DOK6: variants seen among roughly 807,000 people sequenced by gnomAD.
DOK6 encodes the protein docking protein 6.
A neutral mutation model predicts 44.0 loss-of-function variants in DOK6; 22 were observed. The observed-to-expected ratio is 0.50, with a 90% CI of 0.36 to 0.71. The LOEUF (loss-of-function observed/expected upper bound fraction) is 0.71, where lower values mean the gene tolerates loss of function less well. Among genes scored for constraint, DOK6 ranks in the 30% least tolerant of loss-of-function variants. DOK6 has a pLI of 0.00. For missense variants in DOK6, 340 were observed against 416.4 expected, an observed-to-expected ratio of 0.82 and a Z score of 1.60; for synonymous variants, 166 against 145.5, an observed-to-expected ratio of 1.14 and a Z score of -1.01.
intron 7 of DOK6, among the ~76,000 whole-genome samples, chr18:69,800,312 T>A (rs571621884): frequency 6.6e-6 from 1 of 152,160 alleles, no homozygotes; most frequent in Admixed American, 6.6e-5. Flanking sequence ...CCCCATTATA[T>A]TTTCAAATTG....
In DOK6 at chr18:69,599,375, T is replaced by C. The variant is rs767374149; in HGVS notation, c.175-9T>C. The C allele has an allele frequency of 1.9e-6, 3 of 1,600,858 alleles. No homozygotes were observed. In the South Asian group the frequency reaches 3.3e-5, roughly 18 times the overall value. On this transcript the variant is annotated splice_polypyrimidine_tract_variant and intron_variant, in intron 2 of 7. Transcript: ENST00000382713. Reference sequence around the variant, plus strand: ...TGTACACTAAGTTAAATATATTTTTTCTTTCAAGGTAACTGAACTGCACAA... The same window carrying C: ...TGTACACTAAGTTAAATATATTTTTCCTTTCAAGGTAACTGAACTGCACAA...
chr18:69,707,031 G>A (rs1302483188), intron 5 of DOK6, among the ~76,000 whole-genome samples: 2 of 152,080 alleles, frequency 1.3e-5, no homozygotes, highest in African/African-American at 2.4e-5. Context: ...ATGATTTATA[G>A]TCCTTTGGGT....
intron 7 of DOK6, among the ~76,000 whole-genome samples, chr18:69,834,328 G>T (rs1889269151): frequency 6.6e-6 from 1 of 152,012 alleles, no homozygotes; most frequent in African/African-American, 2.4e-5. Context: ...TGAAAATGTG[G>T]ATCTCCTGGA....
intron 1 of DOK6, among the ~76,000 whole-genome samples, chr18:69,481,823 GT>G (rs1980432032): frequency 6.6e-6 from 1 of 152,110 alleles, no homozygotes; most frequent in African/African-American, 2.4e-5. Flanking sequence ...GGTTGAACTA[GT>G]TTACACTCCC....
chr18:69,563,417 A>G lies in DOK6; in HGVS notation c.67-1070A>G, dbSNP rs377037218. On this transcript the variant is annotated intron_variant, in intron 1 of 7. Transcript: ENST00000382713. ...GAACCAACCCAAATGTCCAACAATG[A>G]TAGACTGCATGAAGAAAATATGGCA... 3.3e-5 allele frequency among the ~76,000 whole-genome samples: 5 copies of G among 152,314 alleles called. No individual in the cohort carries two copies. In the East Asian group the frequency reaches 9.6e-4, roughly 29 times the overall value.
intron 7 of DOK6, among the ~76,000 whole-genome samples, chr18:69,774,433 A>C (rs1979999731): frequency 6.6e-6 from 1 of 151,826 alleles, no homozygotes; most frequent in South Asian, 2.1e-4. Flanking sequence ...TGTGTGCATC[A>C]AAATCTCACA....
chr18:69,456,139 T>C (rs1386521923), intron 1 of DOK6, among the ~76,000 whole-genome samples: 2 of 152,300 alleles, frequency 1.3e-5, no homozygotes, highest in South Asian at 2.1e-4. Flanking sequence ...TTTCATGATA[T>C]CAAAACATTG....
intron 3 of DOK6, among the ~76,000 whole-genome samples, chr18:69,671,963 C>T (rs901615166): frequency 2.1e-4 from 32 of 152,116 alleles, no homozygotes; most frequent in Admixed American, 2.0e-3. Context: ...TACTTAGGGG[C>T]GTCTACGGCC....
At chr18:69,780,200 T>C (rs1458289619) in intron 7 of DOK6, among the ~76,000 whole-genome samples, 1 of 152,204 alleles carries the variant, frequency 6.6e-6, no homozygotes, top group Non-Finnish European at 1.5e-5. Flanking sequence ...TATTCTGACC[T>C]CATTTTTGTG....
intron 1 of DOK6, among the ~76,000 whole-genome samples, chr18:69,446,215 C>T (rs1333627404): frequency 8.7e-6 from 1 of 115,422 alleles, no homozygotes; most frequent in Non-Finnish European, 1.7e-5. Context: ...CCTCCCCCCA[C>T]CCCACGACAG....
chr18:69,567,488 G>T (rs944581802), intron 2 of DOK6, among the ~76,000 whole-genome samples: 10 of 151,942 alleles, frequency 6.6e-5, no homozygotes, highest in African/African-American at 1.9e-4. Context: ...AAAAAAAAAT[G>T]AGGCAGGAAC....
At chr18:69,539,528 C>G (rs1982212882) in intron 1 of DOK6, among the ~76,000 whole-genome samples, 1 of 149,074 alleles carries the variant, frequency 6.7e-6, no homozygotes. Flanking sequence ...GTAGCTGGGA[C>G]TACAGGCACA....
chr18:69,612,890 T>A (rs1984194514), intron 3 of DOK6, among the ~76,000 whole-genome samples: 1 of 152,004 alleles, frequency 6.6e-6, no homozygotes, highest in African/African-American at 2.4e-5. Flanking sequence ...TTTCTTTTTT[T>A]TTGCCTTTTG....
chr18:69,574,472 T>G (rs1983191085), intron 2 of DOK6, among the ~76,000 whole-genome samples: 1 of 152,094 alleles, frequency 6.6e-6, no homozygotes, highest in Admixed American at 6.6e-5. Context: ...ACTAGGACTT[T>G]ACCAAGGACG....
rs1183057997 is a variant in DOK6 at position 69,845,539 on chromosome 18, A to G, written c.*4156A>G. The stretch of plus-strand genomic sequence containing the variant: ...TGCAATTTATGGGGTGTGTGTTTGC[A>G]GACTATGAAATGTATGAAGTGCAGT... On this transcript the variant is annotated 3_prime_UTR_variant, in exon 8 of 8. Transcript: ENST00000382713. 1 of 152,256 alleles carries G rather than the reference A, an allele frequency of 6.6e-6. No homozygotes were observed. Among genetic ancestry groups the G allele is most frequent in the Admixed American group, 6.5e-5 (1 of 15,290 alleles). The allele number at this position is 152,256 out of a possible 1,614,324, so 9.4% of individuals were successfully genotyped here. A position where few individuals can be genotyped will look rare whatever the true frequency, so the allele number is the denominator to read the frequency against.
intron 3 of DOK6, among the ~76,000 whole-genome samples, chr18:69,667,486 G>A (rs1030130090): frequency 1.3e-5 from 2 of 152,124 alleles, no homozygotes; most frequent in Non-Finnish European, 2.9e-5. Flanking sequence ...GGGAGCTAAT[G>A]CTACCTTAAG....
intron 2 of DOK6, 37 bp downstream of exon 2, chr18:69,564,631 G>C (rs1726488088): frequency 6.5e-7 from 1 of 1,527,424 alleles, no homozygotes; most frequent in African/African-American, 1.4e-5. Flanking sequence ...GGGAATAACT[G>C]GGCCCTTGAA....
intron 2 of DOK6, among the ~76,000 whole-genome samples, chr18:69,568,593 A>G (rs577802427): frequency 3.9e-5 from 6 of 152,312 alleles, no homozygotes; most frequent in Admixed American, 2.0e-4. Context: ...GCAGTTCCCA[A>G]CTACCAGGGC....
At chr18:69,789,507 CA>C (rs934656644) in intron 7 of DOK6, among the ~76,000 whole-genome samples, 1 of 151,884 alleles carries the variant, frequency 6.6e-6, no homozygotes, top group Non-Finnish European at 1.5e-5. Flanking sequence ...AGAAATTCAA[CA>C]AATAAAACTA....
Sources: gnomAD v4.1 joint callset for allele counts (sites outside exome capture counted in the v4.1 genomes callset) on GRCh38, gnomAD v4.1.1 for gene constraint, MANE v1.5 for transcripts, NCBI Gene and HGNC (gene_info 2026-07-23, HGNC 2026-07-21) for gene names.